Variants in RBFOX1 observed in about 807,000 individuals in gnomAD.
RBFOX1 encodes the protein RNA binding protein fox-1 homolog 1.
In RBFOX1, 8 loss-of-function variants were observed where a neutral mutation model predicts 57.7. The ratio of observed to expected loss-of-function variants is 0.14; its 90% CI spans 0.08 to 0.25. The LOEUF is 0.25. Among genes scored for constraint, RBFOX1 ranks in the 10% least tolerant of loss-of-function variants. The pLI is 1.00. For synonymous variants in RBFOX1, 326 were observed against 222.4 expected (o/e 1.47, Z -4.15); for missense variants, 611 against 548.5 (o/e 1.11, Z -1.14).
In RBFOX1 at chr16:6,980,267, G is replaced by C. The variant is rs1325254529; in HGVS notation, c.-15-71790G>C. Among the ~76,000 whole-genome samples the C allele has an allele frequency of 3.9e-5, 6 of 152,172 alleles. No individual in the cohort carries two copies. The East Asian group carries it at 1.2e-3, about 29-fold the overall frequency. On this transcript the variant is annotated intron_variant, in intron 3 of 15. Coordinates refer to ENST00000550418, the MANE Select transcript of RBFOX1 (RefSeq NM_018723.4). ...TTCCTATACAAATGTGCTGTGTCAG[G>C]TGTGAGTGTGTGCGTTTATGATATG...
At chr16:7,526,870 C>CA (rs2078823589) in intron 5 of RBFOX1, among the ~76,000 whole-genome samples, 1 of 152,164 alleles carries the variant, frequency 6.6e-6, no homozygotes. Context: ...AGTCAGAGCT[C>CA]AAAAACAGGC....
At chr16:6,020,445 T>C (rs1173036833) in intron 1 of RBFOX1, among the ~76,000 whole-genome samples, 1 of 152,068 alleles carries the variant, frequency 6.6e-6, no homozygotes, top group Non-Finnish European at 1.5e-5. Context: ...GGAGGGTGTT[T>C]AGGTGCCCCG....
intron 4 of RBFOX1, among the ~76,000 whole-genome samples, chr16:7,267,827 G>C (rs1165015586): frequency 6.6e-6 from 1 of 152,212 alleles, no homozygotes; most frequent in African/African-American, 2.4e-5. Flanking sequence ...CTGCACTCCA[G>C]CCGGGGCAAC....
intron 3 of RBFOX1, among the ~76,000 whole-genome samples, chr16:6,712,104 TAGAG>T (rs1255809660): frequency 3.3e-5 from 5 of 152,228 alleles, no homozygotes; most frequent in African/African-American, 1.2e-4. Flanking sequence ...ACAGACTTAT[TAGAG>T]AGGCTTAACA....
At chr16:5,691,149 T>G (rs1305267480) in intron 3 of RBFOX1, among the ~76,000 whole-genome samples, 1 of 152,218 alleles carries the variant, frequency 6.6e-6, no homozygotes, top group East Asian at 1.9e-4. Context: ...AAGTTTTCCC[T>G]TATGTTTTCT....
At chr16:5,459,740 C>T (rs1043663212) in intron 1 of RBFOX1, among the ~76,000 whole-genome samples, 8 of 152,074 alleles carry the variant, frequency 5.3e-5, no homozygotes, top group East Asian at 3.9e-4. Context: ...CGCACACACA[C>T]GCTCACACAC....
At chr16:7,346,307 C>T (rs1603626207) in intron 4 of RBFOX1, among the ~76,000 whole-genome samples, 3 of 151,918 alleles carry the variant, frequency 2.0e-5, no homozygotes, top group South Asian at 4.2e-4. Context: ...AGCAACGAGA[C>T]GTCTATAGAG....
chr16:5,766,911 A>G (rs1035903306), intron 3 of RBFOX1, among the ~76,000 whole-genome samples: 2 of 152,256 alleles, frequency 1.3e-5, no homozygotes, highest in East Asian at 1.9e-4. Flanking sequence ...TTAAACCTCT[A>G]CTTATAGTTC....
chr16:7,181,447 A>T (rs1267440063), intron 4 of RBFOX1, among the ~76,000 whole-genome samples: 1 of 152,114 alleles, frequency 6.6e-6, no homozygotes, highest in Non-Finnish European at 1.5e-5. Context: ...ACATTTTGGT[A>T]AGGCTAGTAG....
At chr16:6,840,071 T>TA (rs1344927872) in intron 3 of RBFOX1, among the ~76,000 whole-genome samples, 1 of 152,186 alleles carries the variant, frequency 6.6e-6, no homozygotes, top group African/African-American at 2.4e-5. Context: ...CTACTCAACT[T>TA]AAAAATTAAA....
chr16:6,752,206 C>T (rs1160332714), intron 3 of RBFOX1, among the ~76,000 whole-genome samples: 1 of 152,122 alleles, frequency 6.6e-6, no homozygotes, highest in African/African-American at 2.4e-5. Context: ...GGCTTTGTTC[C>T]ATCAGGCAAC....
intron 4 of RBFOX1, among the ~76,000 whole-genome samples, chr16:7,189,857 G>A (rs771405375): frequency 2.0e-5 from 3 of 152,040 alleles, no homozygotes; most frequent in South Asian, 2.1e-4. Context: ...CATCTTGATC[G>A]CCTTTATGTC....
chr16:5,741,620 C>G (rs773528685), intron 3 of RBFOX1, among the ~76,000 whole-genome samples: 12 of 152,154 alleles, frequency 7.9e-5, no homozygotes, highest in Non-Finnish European at 1.6e-4. Context: ...TTTTATATTT[C>G]TCTATAACAA....
intron 1 of RBFOX1, among the ~76,000 whole-genome samples, chr16:5,456,738 C>T (rs1002445540): frequency 2.0e-5 from 3 of 152,144 alleles, no homozygotes; most frequent in African/African-American, 7.2e-5. Flanking sequence ...AACTTTCTTC[C>T]AACTAGGATG....
intron 4 of RBFOX1, among the ~76,000 whole-genome samples, chr16:5,884,385 TG>T (rs1567668198): frequency 6.6e-6 from 1 of 152,124 alleles, no homozygotes; most frequent in Non-Finnish European, 1.5e-5. Context: ...TGTAGGGCTT[TG>T]CCTGGTGCCT....
At chr16:6,916,749 T>G (rs1175662220) in intron 3 of RBFOX1, among the ~76,000 whole-genome samples, 1 of 152,192 alleles carries the variant, frequency 6.6e-6, no homozygotes, top group Non-Finnish European at 1.5e-5. Context: ...ACTTCCAGCT[T>G]TTTTCTACCA....
At chr16:6,768,229 C>G (rs1302523444) in intron 3 of RBFOX1, among the ~76,000 whole-genome samples, 2 of 151,948 alleles carry the variant, frequency 1.3e-5, no homozygotes, top group African/African-American at 2.4e-5. Flanking sequence ...ACAAAAGAAA[C>G]AAGGACCTCA....
chr16:6,566,022 C>A (rs981986760), intron 2 of RBFOX1, among the ~76,000 whole-genome samples: 18 of 152,208 alleles, frequency 1.2e-4, no homozygotes, highest in African/African-American at 3.9e-4. Context: ...TCACAGGTTA[C>A]ACCTCTTCTG....
At chr16:6,616,262 T>C (rs1374982653) in intron 2 of RBFOX1, among the ~76,000 whole-genome samples, 2 of 152,252 alleles carry the variant, frequency 1.3e-5, no homozygotes, top group African/African-American at 2.4e-5. Context: ...TTAAAAATTA[T>C]ATTAACTTAT....
Sources: allele counts gnomAD v4.1 joint callset (sites outside exome capture counted in the v4.1 genomes callset), GRCh38; gene constraint gnomAD v4.1.1; transcripts MANE v1.5; gene names NCBI Gene and HGNC (gene_info 2026-07-23, HGNC 2026-07-21).